FTCD: variants seen among roughly 807,000 people sequenced by gnomAD.
The protein encoded by FTCD is formimidoyltransferase-cyclodeaminase.
Under a neutral mutation model 62.9 loss-of-function variants are expected in FTCD, and 76 were observed. That is an observed-to-expected ratio of 1.21 (90% confidence interval 1.00 to 1.46). FTCD has a LOEUF of 1.46. Ranked by LOEUF, FTCD falls within the 40% of genes most tolerant of loss-of-function variation. FTCD has a pLI of 0.00. For missense variants in FTCD, 845 were observed against 751.3 expected (o/e 1.12, Z -1.46); for synonymous variants, 397 against 336.9 (o/e 1.18, Z -1.95).
chr21:46,137,296 T>C lies in FTCD; in HGVS notation c.1482A>G (p.Ala494=), dbSNP rs766717201. The C allele has an allele frequency of 2.2e-5, 36 of 1,613,784 alleles. No homozygotes were observed. In the East Asian group the frequency reaches 5.3e-4, roughly 24 times the overall value. ...AKALEMGVFG[A]YFNVLINLRD... is the part of the protein sequence containing the mutation. ...TCAGGTTGATGAGCACGTTGAAATA[T>C]GCGCCAAACACGCCCATCTCCAGGG... Residue 494 remains alanine (A), a synonymous_variant, in exon 13 of 14, where the codon GCA becomes GCG. Coordinates refer to ENST00000397746, the MANE Select transcript of FTCD (RefSeq NM_206965.2).
At chr21:46,140,294 AAATCAACCC>A (rs1363423638) in intron 10 of FTCD, among the ~76,000 whole-genome samples, 18 of 149,364 alleles carry the variant, frequency 1.2e-4, no homozygotes, top group South Asian at 2.1e-4. Flanking sequence ...CAGGGAATGT[AAATCAACCC>A]AGCCCTCCCC....
chr21:46,145,741 C>A, intron 9 of FTCD, 77 bp downstream of exon 9: 1 of 528,458 alleles, frequency 1.9e-6, no homozygotes, highest in South Asian at 2.4e-5. Context: ...CCCGTGCCCT[C>A]CCCCCAACAG....
At chr21:46,150,092 C>G (rs762729365) in intron 7 of FTCD, 27 bp downstream of exon 7, 24 of 1,606,104 alleles carry the variant, frequency 1.5e-5, no homozygotes, top group Non-Finnish European at 2.0e-5. Context: ...CGCCCCTGTC[C>G]GACCCTTCCT....
intron 10 of FTCD, among the ~76,000 whole-genome samples, chr21:46,143,633 C>A (rs2079066070): frequency 6.6e-6 from 1 of 152,138 alleles, no homozygotes; most frequent in Non-Finnish European, 1.5e-5. Context: ...TAAAAAGTGA[C>A]CAAAAAACGA....
chr21:46,140,812 C>T (rs1213466603), intron 10 of FTCD, among the ~76,000 whole-genome samples: 4 of 141,208 alleles, frequency 2.8e-5, no homozygotes, highest in Non-Finnish European at 3.1e-5. Context: ...ATCCAGCACT[C>T]CCCGTCAGCC....
intron 11 of FTCD, 21 bp from the exon 12 acceptor site, chr21:46,138,667 G>A (rs1414071026): frequency 1.9e-6 from 3 of 1,594,884 alleles, no homozygotes; most frequent in Non-Finnish European, 2.5e-6. Flanking sequence ...CAAGAGGAGA[G>A]CCTGAGCACA....
In FTCD at chr21:46,152,950, G is replaced by T; in HGVS notation, c.324C>A (p.Ala108=). 2.6e-6 allele frequency: 4 copies of T among 1,563,532 alleles called. No individual in the cohort carries two copies. Among genetic ancestry groups the T allele is most frequent in the Non-Finnish European group, 3.5e-6 (4 of 1,154,220 alleles). Residue 108 remains alanine, a synonymous_variant, in exon 3 of 14, where the codon GCC becomes GCA. Transcript: ENST00000397746. ...GVSVDECVLC[A]QAFGQRLAEE... The stretch of plus-strand genomic sequence containing the variant: ...CTGCCAGCCTCTGGCCAAAGGCCTG[G>T]GCGCAGAGCACACACTCATCCACGC...
At chr21:46,150,059 A>T in intron 7 of FTCD, 60 bp downstream of exon 7, 1 of 1,283,530 alleles carries the variant, frequency 7.8e-7, no homozygotes, top group Non-Finnish European at 1.1e-6. Flanking sequence ...GAGCTCCGCC[A>T]CCGCCTCCCC....
At chr21:46,153,560 C>T (rs2079355247) in intron 2 of FTCD, among the ~76,000 whole-genome samples, 1 of 152,208 alleles carries the variant, frequency 6.6e-6, no homozygotes, top group South Asian at 2.1e-4. Context: ...TCGGCGCCCA[C>T]CCCAGGGGAC....
At position 46,145,923 on chromosome 21, in the gene FTCD, A is replaced by G. The variant is rs2079136758; in HGVS notation, c.993T>C (p.Pro331=). 6 of 1,499,446 alleles carry G rather than the reference A, an allele frequency of 4.0e-6. No homozygotes were observed. Among genetic ancestry groups the G allele is most frequent in the Non-Finnish European group, 4.4e-6 (5 of 1,130,946 alleles). 92.9% of individuals were successfully genotyped at this position (1,499,446 alleles called of 1,614,324 possible). ...GGGACTTGCTGCCCAGGCCTCGCTC[A>G]GGCCCGCGCTCAGGGACCAGGTACC... is the stretch of plus-strand genomic sequence containing the variant. ...IIEYLVPERG[P]ERGLGSKSLR... Residue 331 remains proline, a synonymous_variant, in exon 9 of 14, where the codon CCT becomes CCC. Transcript: ENST00000397746.
In FTCD at chr21:46,137,349, G is replaced by C. The variant is rs765338703; in HGVS notation, c.1444-15C>G. On this transcript the variant is annotated splice_polypyrimidine_tract_variant and intron_variant, in intron 12 of 13. Transcript: ENST00000397746. ...TTGGCCGCCACCTGCAAGGACCCCA[G>C]GGAGCCCCTACATGGATCAAGGCTG... 4.4e-6 allele frequency: 7 copies of C among 1,600,054 alleles called. No homozygotes were observed. Among genetic ancestry groups the C allele is most frequent in the Middle Eastern group, 1.7e-4 (1 of 6,036 alleles).
Position 46,150,430 on chromosome 21 carries a change from C to G in FTCD, c.732G>C (p.Thr244=). ...TCTCCTCGTAGACCGTGTGCAGTGCCGTGACCTCAAAGTCCAGAAGATTGG... is the reference window on the plus strand; with the variant it reads ...TCTCCTCGTAGACCGTGTGCAGTGCGGTGACCTCAAAGTCCAGAAGATTGG... ...VSTNLLDFEV[T]ALHTVYEETC... The change falls in exon 6 of 14, where the codon ACG becomes ACC. Residue 244 remains threonine, a synonymous_variant. Transcript: ENST00000397746. The G allele has an allele frequency of 1.9e-6, 3 of 1,613,128 alleles. No homozygotes were observed. Among genetic ancestry groups the G allele is most frequent in the Non-Finnish European group, 8.5e-7 (1 of 1,179,904 alleles).
At chr21:46,153,839 C>T (rs772669253) in intron 2 of FTCD, among the ~76,000 whole-genome samples, 2 of 152,386 alleles carry the variant, frequency 1.3e-5, no homozygotes, top group South Asian at 2.1e-4. Flanking sequence ...GCCCCCTTGA[C>T]GAGTGGGCAG....
At position 46,137,073 on chromosome 21, in the gene FTCD, T is replaced by C. The variant is rs369754449; in HGVS notation, c.1540A>G (p.Ile514Val). ...AGGAGGCTGGAAACACGATGGTGGA[T>C]CTGATGGACACAGGGAAAGAGGGGT... ...DITDEAFKDQ[I>V]HHRVSSLLQE... The change falls in exon 14 of 14, where the codon ATC becomes GTC. Residue 514 changes from isoleucine (I) to valine (V), a missense_variant and splice_region_variant. By Grantham distance (29) the Ile-to-Val change is conservative (BLOSUM62 3). Coordinates refer to ENST00000397746, the MANE Select transcript of FTCD (RefSeq NM_206965.2). The C allele has an allele frequency of 8.9e-5, 143 of 1,613,658 alleles. No individual in the cohort carries two copies. Among genetic ancestry groups the C allele is most frequent in the Non-Finnish European group, 1.2e-4 (141 of 1,180,028 alleles).
rs766010122 is a variant in FTCD, at chr21:46,151,969, C to T, written c.379G>A (p.Gly127Ser). Reference sequence around the variant, plus strand: ...CGACTGTCCATCCTGGCTGCCTCGCCGTACAGGTAAACTGCAGGAGAGCCC... The same window carrying T: ...CGACTGTCCATCCTGGCTGCCTCGCTGTACAGGTAAACTGCAGGAGAGCCC... Reference protein sequence around the residue: ...EELDVPVYLYGEAARMDSRRT... With the variant: ...EELDVPVYLYSEAARMDSRRT... The change falls in exon 4 of 14, where the codon GGC becomes AGC. Residue 127 changes from glycine (G) to serine (S), a missense_variant. By Grantham distance (56) the Gly-to-Ser change is moderately conservative (BLOSUM62 0). Coordinates refer to ENST00000397746, the MANE Select transcript of FTCD (RefSeq NM_206965.2). 5.4e-5 allele frequency: 84 copies of T among 1,566,398 alleles called. No individual in the cohort carries two copies. The highest frequency in any genetic ancestry group is 1.7e-4 in the Admixed American group (9 of 53,120).
At chr21:46,142,611 G>A (rs1004194337) in intron 10 of FTCD, 5 of 152,300 alleles carry the variant, frequency 3.3e-5, no homozygotes, top group African/African-American at 7.2e-5. Context: ...AGGTCGTAAA[G>A]GTAGCGAAGG....
chr21:46,145,689 C>T, intron 9 of FTCD, 111 bp from the exon 10 acceptor site: 1 of 626,812 alleles, frequency 1.6e-6, no homozygotes, highest in Non-Finnish European at 2.2e-6. Flanking sequence ...CCGTGTGGCC[C>T]CCACGTCTCC....
chr21:46,150,643 G>A (rs2079247945), intron 5 of FTCD, 118 bp from the exon 6 acceptor site: 3 of 1,065,966 alleles, frequency 2.8e-6, no homozygotes. Flanking sequence ...GCCTGGGTGG[G>A]TGCTGTGGTT....
At position 46,154,163 on chromosome 21, in the gene FTCD, A is replaced by G. The variant is rs2123584379; in HGVS notation, c.224T>C (p.Met75Thr). 2 of 1,612,794 alleles carry G rather than the reference A, an allele frequency of 1.2e-6. No homozygotes were observed. The highest frequency in any genetic ancestry group is 2.2e-5 in the South Asian group (2 of 91,082). ...AARVASRLIDMSRHQGEHPRM... is the reference protein window; with the variant it reads ...AARVASRLIDTSRHQGEHPRM... ...AGAGACCTCACCTTGGTGCCTGCTCATGTCGATAAGTCGGGAAGCTACCCG... is the reference window on the plus strand; with the variant it reads ...AGAGACCTCACCTTGGTGCCTGCTCGTGTCGATAAGTCGGGAAGCTACCCG... The change falls in exon 2 of 14, where the codon ATG (methionine) becomes ACG (threonine). Residue 75 changes from methionine (M) to threonine (T), a missense_variant. Physicochemically the swap from Met to Thr is moderately conservative, Grantham distance 81. Coordinates refer to ENST00000397746, the MANE Select transcript of FTCD (RefSeq NM_206965.2).
Sources: allele counts gnomAD v4.1 joint callset (sites outside exome capture counted in the v4.1 genomes callset), GRCh38; gene constraint gnomAD v4.1.1; transcripts MANE v1.5; gene names NCBI Gene and HGNC (gene_info 2026-07-23, HGNC 2026-07-21).